Variants in GGT1 observed in about 807,000 individuals in gnomAD.
GGT1 encodes glutathione hydrolase 1 proenzyme.
Under a neutral mutation model 56.0 loss-of-function variants are expected in GGT1, and 21 were observed. That is an observed-to-expected ratio of 0.38 (90% CI 0.27 to 0.54). The LOEUF is 0.54. Ranked by LOEUF, GGT1 falls within the 20% of genes least tolerant of loss-of-function variation. The pLI is 0.82. For missense variants in GGT1, 466 were observed against 787.0 expected (o/e 0.59, Z 4.88); for synonymous variants, 238 against 342.6 (o/e 0.69, Z 3.37).
chr22:24,598,840 A>G (rs947811222), upstream of GGT1, among the ~76,000 whole-genome samples: 11 of 151,690 alleles, frequency 7.3e-5, 1 homozygote, highest in African/African-American at 2.7e-4. Context: ...GGCATGAGCC[A>G]CTGCACCTGG....
At chr22:24,591,334 C>T (rs1601597320), upstream of GGT1, among the ~76,000 whole-genome samples, 2 of 152,364 alleles carry the variant, frequency 1.3e-5, no homozygotes, top group Admixed American at 6.5e-5. Context: ...CTGCCTCAGC[C>T]TCCCAAAGTG....
intron 11 of GGT1, among the ~76,000 whole-genome samples, chr22:24,626,481 C>T (rs934902637): frequency 2.7e-5 from 4 of 148,360 alleles, no homozygotes; most frequent in South Asian, 2.1e-4. Context: ...CGCCCTTGCC[C>T]GTGAACCCAT....
At chr22:24,586,171 CGTCA>C in the GGT1 span, 1 of 1,613,606 alleles carries the variant, frequency 6.2e-7, no homozygotes, top group Non-Finnish European at 8.5e-7. Flanking sequence ...CAGTGGCCCG[CGTCA>C]GTCGGTTGCC....
At chr22:24,589,087 T>G in the GGT1 span, 2 of 1,091,264 alleles carry the variant, frequency 1.8e-6, no homozygotes. Context: ...GGGCCGACTG[T>G]GCAGAGACCT....
the GGT1 span, chr22:24,585,599 C>T: frequency 6.2e-6 from 3 of 485,034 alleles, no homozygotes; most frequent in Non-Finnish European, 7.4e-6. Context: ...GGCTGTTGCT[C>T]AGTGACCCTG....
rs921600700 is a variant in GGT1 at position 24,610,313 on chromosome 22, A to G, written c.-226A>G. On this transcript the variant is annotated 5_prime_UTR_variant, in exon 4 of 16. Transcript: ENST00000400382. ...GGAGGTAACACGGAGTCCCCCAGAA[A>G]GGTCTGGGCTGCGCGTGCTTCAGGT... 5 of 284,300 alleles carry G rather than the reference A, an allele frequency of 1.8e-5. No individual in the cohort carries two copies. Among genetic ancestry groups the G allele is most frequent in the African/African-American group, 9.1e-5 (4 of 44,196 alleles). 17.6% of individuals were successfully genotyped at this position (284,300 alleles called of 1,614,324 possible).
the GGT1 span, chr22:24,588,687 GA>G: frequency 9.1e-7 from 1 of 1,103,828 alleles, no homozygotes; most frequent in Non-Finnish European, 1.1e-6. Flanking sequence ...GCCACAGGGG[GA>G]GGAGGCCAGA....
intron 2 of GGT1, among the ~76,000 whole-genome samples, chr22:24,608,342 TC>T (rs1007135660): frequency 5.9e-5 from 9 of 152,202 alleles, no homozygotes; most frequent in Non-Finnish European, 5.9e-5. Context: ...TCCCTGTTCT[TC>T]CCAGCAGTCT....
intron 11 of GGT1, among the ~76,000 whole-genome samples, chr22:24,626,788 G>C (rs2047809931): frequency 6.6e-6 from 1 of 151,298 alleles, no homozygotes; most frequent in Non-Finnish European, 1.5e-5. Context: ...ATGGCACAGA[G>C]CAAAAGCCAG....
intron 7 of GGT1, among the ~76,000 whole-genome samples, chr22:24,618,733 A>G (rs899049161): frequency 6.6e-6 from 1 of 152,206 alleles, no homozygotes; most frequent in Non-Finnish European, 1.5e-5. Flanking sequence ...GCTCTTGGAA[A>G]CTTGTGCCAG....
At chr22:24,616,166 G>A (rs1303466692) in intron 7 of GGT1, among the ~76,000 whole-genome samples, 1 of 151,230 alleles carries the variant, frequency 6.6e-6, no homozygotes, top group African/African-American at 2.4e-5. Context: ...TGTAATCCCA[G>A]CACTTTGGGA....
At chr22:24,604,826 G>C (rs913370969) in intron 1 of GGT1, among the ~76,000 whole-genome samples, 4 of 149,144 alleles carry the variant, frequency 2.7e-5, no homozygotes, top group African/African-American at 7.5e-5. Context: ...CTTTGATAAA[G>C]TGCCTCCCCT....
chr22:24,589,102 A>G, the GGT1 span: 1 of 1,097,708 alleles, frequency 9.1e-7, no homozygotes, highest in Non-Finnish European at 1.1e-6. Flanking sequence ...AGACCTGGGC[A>G]TTCAGAGCTG....
the GGT1 span, among the ~76,000 whole-genome samples, chr22:24,585,196 G>T: frequency 2.0e-5 from 3 of 152,194 alleles, no homozygotes; most frequent in Admixed American, 2.0e-4. Flanking sequence ...TGGGAGGCAG[G>T]CACCAAGTCC....
rs141889574 is a variant in GGT1, at chr22:24,606,848, G to C, written c.-428-1106G>C. ...GGGTAGGTGTTATGGGCACGGAATA[G>C]ACCTCAGGTGGAGGCTGCAGGGGCT... On this transcript the variant is annotated intron_variant, in intron 1 of 15. Transcript: ENST00000400382. Among the ~76,000 whole-genome samples, 17 of 130,504 alleles carry C rather than the reference G, an allele frequency of 1.3e-4. No individual in the cohort carries two copies. The South Asian group carries it at 3.7e-3, about 29-fold the overall frequency. 85.6% of individuals were successfully genotyped at this position (130,504 alleles called of 152,430 possible).
At chr22:24,593,071 G>C (rs1426534640), upstream of GGT1, 3 of 1,036,836 alleles carry the variant, frequency 2.9e-6, no homozygotes, top group African/African-American at 5.2e-5. Context: ...GAACCCACAG[G>C]AGGCCGGGCT....
At chr22:24,602,324 C>G (rs1349752639), upstream of GGT1, among the ~76,000 whole-genome samples, 3 of 152,232 alleles carry the variant, frequency 2.0e-5, no homozygotes, top group South Asian at 2.1e-4. Context: ...TGACCATACT[C>G]TCATGCCCAG....
At position 24,610,500 on chromosome 22, in the gene GGT1, C is replaced by A. The variant is rs1407221203; in HGVS notation, c.-39C>A. ...TGTCTTTCGTGGCCAACACCCCAGGCAAGGCTTGGGGCCCCCGTCTGCTGC... is the reference window on the plus strand; with the variant it reads ...TGTCTTTCGTGGCCAACACCCCAGGAAAGGCTTGGGGCCCCCGTCTGCTGC... On this transcript the variant is annotated 5_prime_UTR_variant, in exon 4 of 16. Transcript: ENST00000400382. 1 of 165,296 alleles carries A rather than the reference C, an allele frequency of 6.0e-6. No homozygotes were observed. The highest frequency in any genetic ancestry group is 5.8e-5 in the Admixed American group (1 of 17,290). 10.2% of individuals were successfully genotyped at this position (165,296 alleles called of 1,614,324 possible).
rs3865652 is a variant in GGT1, at chr22:24,620,239, A to G, written c.383-89A>G. On this transcript the variant is annotated intron_variant, in intron 7 of 15. Transcript: ENST00000400382. The surrounding 1 kb of genome is among the most constrained non-coding windows in gnomAD (Gnocchi z 5.6). ...TAAGCCTCATTGCCCCATCTGTAAA[A>G]TGAGTCAGGGACTGTGCCTGGGATG... is the stretch of plus-strand genomic sequence containing the variant. The G allele has an allele frequency of 0.084, 114,831 of 1,369,290 alleles. 13,401 individuals are homozygous for G. The highest frequency in any genetic ancestry group is 0.28 in the Admixed American group (9,889 of 34,722). 84.8% of individuals were successfully genotyped at this position (1,369,290 alleles called of 1,614,324 possible).
Sources: allele counts gnomAD v4.1 joint callset (sites outside exome capture counted in the v4.1 genomes callset), GRCh38; gene constraint gnomAD v4.1.1; non-coding constraint Gnocchi (gnomAD v3.1); transcripts MANE v1.5; gene names NCBI Gene and HGNC (gene_info 2026-07-23, HGNC 2026-07-21).